ATG4C: variants seen among roughly 807,000 people sequenced by gnomAD.
The protein encoded by ATG4C is autophagy related 4C cysteine peptidase, also known as cysteine protease ATG4C.
In ATG4C, 56 loss-of-function variants were observed where a neutral mutation model predicts 57.6. The ratio of observed to expected loss-of-function variants is 0.97; its 90% CI spans 0.78 to 1.21. The LOEUF (loss-of-function observed/expected upper bound fraction) is 1.21, where lower values mean the gene tolerates loss of function less well. Among genes scored for constraint, ATG4C ranks in the 50% most tolerant of loss-of-function variants. The pLI is 0.00. For synonymous variants in ATG4C, 157 were observed against 174.1 expected, an observed-to-expected ratio of 0.90 and a Z score of 0.78; for missense variants, 595 against 529.8, an observed-to-expected ratio of 1.12 and a Z score of -1.21.
At chr1:62,802,223 A>C (rs900474028) in intron 1 of ATG4C, among the ~76,000 whole-genome samples, 1 of 151,918 alleles carries the variant, frequency 6.6e-6, no homozygotes, top group African/African-American at 2.4e-5. Context: ...TGAATTTTCT[A>C]CATGTTTCCT....
intron 8 of ATG4C, 94 bp from the exon 9 acceptor site, chr1:62,834,682 A>T: frequency 9.9e-7 from 1 of 1,005,276 alleles, no homozygotes; most frequent in Non-Finnish European, 1.5e-6. Flanking sequence ...TTACTCCCAG[A>T]TTTTTTTCAG....
At chr1:62,859,137 A>G (rs765521785) in intron 10 of ATG4C, among the ~76,000 whole-genome samples, 85 of 152,174 alleles carry the variant, frequency 5.6e-4, no homozygotes, top group Non-Finnish European at 1.3e-4. Flanking sequence ...AGAATTCAAA[A>G]CATTTTGAGT....
At chr1:62,788,763 C>T (rs561356805) in intron 1 of ATG4C, among the ~76,000 whole-genome samples, 5 of 152,130 alleles carry the variant, frequency 3.3e-5, no homozygotes, top group African/African-American at 7.2e-5. Context: ...CAGTCTTTAT[C>T]ATTTCTTTCT....
chr1:62,841,609 G>A, intron 10 of ATG4C, 62 bp downstream of exon 10: 3 of 1,335,302 alleles, frequency 2.2e-6, no homozygotes, highest in Non-Finnish European at 3.0e-6. Context: ...CAGACTGTCA[G>A]AAAGCAAAAA....
rs116101144 is a variant in ATG4C at position 62,852,186 on chromosome 1, T to A, written c.1209+10639T>A. ...ACGCAAGGTGGGAAGCTACCCGGAG[T>A]AAGGTATACTCATACACACACCATT... On this transcript the variant is annotated intron_variant, in intron 10 of 10. Coordinates refer to ENST00000317868, the MANE Select transcript of ATG4C (RefSeq NM_032852.4). Among the ~76,000 whole-genome samples the A allele has an allele frequency of 2.6e-5, 4 of 152,196 alleles. No homozygotes were observed. In the South Asian group the frequency reaches 6.2e-4, roughly 24 times the overall value.
chr1:62,816,502 A>T, intron 3 of ATG4C, 73 bp from the exon 4 acceptor site: 2 of 1,010,806 alleles, frequency 2.0e-6, no homozygotes, highest in Non-Finnish European at 2.8e-6. Flanking sequence ...ACATCTTAAG[A>T]CAGTAATGAT....
chr1:62,819,149 A>T lies in ATG4C; in HGVS notation c.539A>T (p.Glu180Val), dbSNP rs1261264513. The change falls in exon 5 of 11, where the codon GAA (glutamate) becomes GTA (valine). Residue 180 changes from glutamate to valine, a missense_variant. By Grantham distance (121) the Glu-to-Val change is moderately radical. Transcript: ENST00000317868. ...AAAACCCCAACAATTTCTCTGAAGG[A>T]AACAATTGGGAAATATTCTGATGAT... ...EFKTPTISLKETIGKYSDDHE... is the reference protein window; with the variant it reads ...EFKTPTISLKVTIGKYSDDHE... 1 of 1,613,332 alleles carries T rather than the reference A, an allele frequency of 6.2e-7. No homozygotes were observed. Among genetic ancestry groups the T allele is most frequent in the Admixed American group, 1.7e-5 (1 of 59,930 alleles).
At position 62,803,709 on chromosome 1, in the gene ATG4C, A is replaced by T; in HGVS notation, c.-68-10A>T. On this transcript the variant is annotated splice_polypyrimidine_tract_variant and intron_variant, in intron 1 of 10. Coordinates refer to ENST00000317868, the MANE Select transcript of ATG4C (RefSeq NM_032852.4). Reference sequence around the variant, plus strand: ...TAGTAATTACTGATTTTTTTCCTTAATTTTTAAAGTCAGTATAAAAGATTA... The same window carrying T: ...TAGTAATTACTGATTTTTTTCCTTATTTTTTAAAGTCAGTATAAAAGATTA... 3 of 1,003,442 alleles carry T rather than the reference A, an allele frequency of 3.0e-6. No individual in the cohort carries two copies. Among genetic ancestry groups the T allele is most frequent in the South Asian group, 1.7e-5 (1 of 58,164 alleles). The allele number at this position is 1,003,442 out of a possible 1,614,324, so 62.2% of individuals were successfully genotyped here. A position where few individuals can be genotyped will look rare whatever the true frequency, so the allele number is the denominator to read the frequency against.
At chr1:62,844,614 G>A (rs2100349234) in intron 10 of ATG4C, among the ~76,000 whole-genome samples, 1 of 152,010 alleles carries the variant, frequency 6.6e-6, no homozygotes, top group East Asian at 1.9e-4. Flanking sequence ...GAAATATAGA[G>A]AATAATATAG....
At position 62,848,584 on chromosome 1, in the gene ATG4C, T is replaced by C. The variant is rs115078019; in HGVS notation, c.1209+7037T>C. On this transcript the variant is annotated intron_variant, in intron 10 of 10. Coordinates refer to ENST00000317868, the MANE Select transcript of ATG4C (RefSeq NM_032852.4). ...AGAAAAGTTGTAAATATAATGCAAATAATTTTTTTTCCTGAACCATTTGAG... is the reference window on the plus strand; with the variant it reads ...AGAAAAGTTGTAAATATAATGCAAACAATTTTTTTTCCTGAACCATTTGAG... Among the ~76,000 whole-genome samples the C allele has an allele frequency of 5.7e-3, 862 of 152,296 alleles. 6 individuals are homozygous for C. The highest frequency in any genetic ancestry group is 0.02 in the African/African-American group (822 of 41,556).
intron 1 of ATG4C, among the ~76,000 whole-genome samples, chr1:62,801,251 G>A (rs1282497473): frequency 1.3e-5 from 2 of 152,214 alleles, no homozygotes; most frequent in Non-Finnish European, 2.9e-5. Context: ...TGAGGAATGT[G>A]TTTATAGCTT....
At chr1:62,820,930 T>C (rs1458594682) in intron 5 of ATG4C, among the ~76,000 whole-genome samples, 1 of 152,098 alleles carries the variant, frequency 6.6e-6, no homozygotes, top group African/African-American at 2.4e-5. Flanking sequence ...TGTGTTTTAA[T>C]GTTCTTTGAG....
intron 10 of ATG4C, among the ~76,000 whole-genome samples, chr1:62,859,867 G>T (rs554377368): frequency 1.0e-3 from 156 of 151,842 alleles, no homozygotes; most frequent in African/African-American, 3.6e-3. Context: ...GCTAATTTTT[G>T]TATTTTTAGT....
chr1:62,833,721 A>G (rs1198155839), intron 7 of ATG4C, among the ~76,000 whole-genome samples: 1 of 152,136 alleles, frequency 6.6e-6, no homozygotes, highest in African/African-American at 2.4e-5. Flanking sequence ...CTGGAAGGCT[A>G]AGTGTATTGG....
At chr1:62,848,586 A>T (rs987290787) in intron 10 of ATG4C, among the ~76,000 whole-genome samples, 1 of 152,086 alleles carries the variant, frequency 6.6e-6, no homozygotes, top group Non-Finnish European at 1.5e-5. Context: ...AATGCAAATA[A>T]TTTTTTTTCC....
rs1553221617 is a variant in ATG4C at position 62,793,618 on chromosome 1, A to AAAAAAAC, written c.-69+9347_-69+9348insAAAACAA. On this transcript the variant is annotated intron_variant, in intron 1 of 10. Coordinates refer to ENST00000317868, the MANE Select transcript of ATG4C (RefSeq NM_032852.4). ...TCTCGAAAAAAAAAAAAAAAAAAAA[A>AAAAAAAC]AACCAAAAAAACAAACAAAAAACCA... Among the ~76,000 whole-genome samples the AAAAAAAC allele has an allele frequency of 5.1e-3, 533 of 103,926 alleles. 40 individuals are homozygous for AAAAAAAC. Among genetic ancestry groups the AAAAAAAC allele is most frequent in the South Asian group, 9.9e-3 (31 of 3,146 alleles). The allele number at this position is 103,926 out of a possible 152,430, so 68.2% of individuals were successfully genotyped here.
chr1:62,802,684 G>A (rs1292697804), intron 1 of ATG4C, among the ~76,000 whole-genome samples: 1 of 152,052 alleles, frequency 6.6e-6, no homozygotes, highest in East Asian at 1.9e-4. Context: ...TTTTAACCTG[G>A]TCTACAAGGC....
chr1:62,818,337 A>G (rs1011856234), intron 4 of ATG4C, among the ~76,000 whole-genome samples: 9 of 152,102 alleles, frequency 5.9e-5, no homozygotes, highest in South Asian at 2.1e-4. Flanking sequence ...CTTTCTGAAG[A>G]TATCTTCTTA....
At position 62,829,188 on chromosome 1, in the gene ATG4C, GTGCTGAAC is replaced by G; in HGVS notation, c.933+14_933+21del. On this transcript the variant is annotated intron_variant, in intron 7 of 10. Transcript: ENST00000317868. ...TAGAATTTGTGAAGGTATGAAATAA[GTGCTGAAC>G]TTTTTTAGGGCAATACTAGCTAATA... 1 of 1,610,956 alleles carries G rather than the reference GTGCTGAAC, an allele frequency of 6.2e-7. No homozygotes were observed. The highest frequency in any genetic ancestry group is 8.5e-7 in the Non-Finnish European group (1 of 1,178,554).
Sources: gnomAD v4.1 joint callset for allele counts (sites outside exome capture counted in the v4.1 genomes callset) on GRCh38, gnomAD v4.1.1 for gene constraint, MANE v1.5 for transcripts, NCBI Gene and HGNC (gene_info 2026-07-23, HGNC 2026-07-21) for gene names.